PEX14: variants seen among roughly 807,000 people sequenced by gnomAD.
PEX14 encodes peroxisomal membrane protein PEX14.
PEX14 carries 15 observed loss-of-function variants against 49.5 expected under a neutral mutation model. The observed-to-expected ratio is 0.30, with a 90% CI of 0.20 to 0.47. The LOEUF is 0.47. PEX14 is among the 20% of genes least tolerant of loss of function. The pLI is 1.00. For synonymous variants in PEX14, 210 were observed against 212.7 expected (o/e 0.99, Z 0.11); for missense variants, 398 against 494.8 (o/e 0.80, Z 1.86).
intron 3 of PEX14, among the ~76,000 whole-genome samples, chr1:10,548,486 A>C (rs540844267): frequency 6.6e-6 from 1 of 152,360 alleles, no homozygotes; most frequent in East Asian, 1.9e-4. Context: ...ATTTAAAAAT[A>C]ACTTTGGATA....
chr1:10,509,715 T>A (rs11806726), intron 2 of PEX14, among the ~76,000 whole-genome samples: 1,707 of 152,358 alleles, frequency 0.011, 32 homozygotes, highest in African/African-American at 0.039. Context: ...ATTGATTTTT[T>A]AAATGTATTT....
chr1:10,481,654 C>G (rs1370245107), intron 1 of PEX14, among the ~76,000 whole-genome samples: 1 of 151,944 alleles, frequency 6.6e-6, no homozygotes, highest in Non-Finnish European at 1.5e-5. Context: ...CCAGGCTGGT[C>G]TTGAACTCCT....
chr1:10,552,817 A>T (rs986099025), intron 3 of PEX14, among the ~76,000 whole-genome samples: 1 of 152,162 alleles, frequency 6.6e-6, no homozygotes, highest in African/African-American at 2.4e-5. Flanking sequence ...CGAAGAGGTT[A>T]AAAAGGTGCC....
chr1:10,605,920 A>G (rs911781480), intron 4 of PEX14, among the ~76,000 whole-genome samples: 14 of 152,230 alleles, frequency 9.2e-5, no homozygotes, highest in Non-Finnish European at 1.5e-4. Flanking sequence ...GTGTGGTGCC[A>G]CATGGGGGCT....
intron 3 of PEX14, among the ~76,000 whole-genome samples, chr1:10,566,968 T>C: frequency 6.6e-6 from 1 of 152,196 alleles, no homozygotes; most frequent in South Asian, 2.1e-4. Flanking sequence ...ACTTTTTCTG[T>C]AAAGAGCCAG....
intron 3 of PEX14, among the ~76,000 whole-genome samples, chr1:10,594,266 C>G (rs1181872891): frequency 1.3e-5 from 2 of 152,056 alleles, no homozygotes; most frequent in Non-Finnish European, 2.9e-5. Context: ...TATTTTTAGC[C>G]AGCTGTCTTC....
chr1:10,617,843 C>T (rs1392217937), intron 4 of PEX14, among the ~76,000 whole-genome samples: 4 of 152,094 alleles, frequency 2.6e-5, no homozygotes, highest in African/African-American at 9.7e-5. Flanking sequence ...CACCCCCGTG[C>T]CCCCACCCAG....
In PEX14 at chr1:10,514,154, C is replaced by CTG. The variant is rs1557820855; in HGVS notation, c.84+18834_84+18835insGT. Among the ~76,000 whole-genome samples, 78 of 89,618 alleles carry CTG rather than the reference C, an allele frequency of 8.7e-4. No homozygotes were observed. The highest frequency in any genetic ancestry group is 1.5e-3 in the South Asian group (4 of 2,658). The allele number at this position is 89,618 out of a possible 152,430, so 58.8% of individuals were successfully genotyped here. ...AAAAAATGTATAAAATAATCTATGCCTCTGTGTGTGTGTGTGTGTGTGTGT... is the reference window on the plus strand; with the variant it reads ...AAAAAATGTATAAAATAATCTATGCCTGTCTGTGTGTGTGTGTGTGTGTGTGT... On this transcript the variant is annotated intron_variant, in intron 2 of 8. Coordinates refer to ENST00000356607, the MANE Select transcript of PEX14 (RefSeq NM_004565.3). This position sits in a 1 kb window ranked among gnomAD's most constrained non-coding sequence, Gnocchi z 4.4.
At chr1:10,614,056 A>G (rs1641344480) in intron 4 of PEX14, among the ~76,000 whole-genome samples, 1 of 152,164 alleles carries the variant, frequency 6.6e-6, no homozygotes, top group Non-Finnish European at 1.5e-5. Context: ...CCAGACTTGG[A>G]AAAAATAGGC....
In PEX14 at chr1:10,618,516, C is replaced by G. The variant is rs1168802714; in HGVS notation, c.384+99C>G. The G allele has an allele frequency of 7.5e-6, 7 of 937,924 alleles. No homozygotes were observed. The Admixed American group carries it at 1.1e-4, about 15-fold the overall frequency. The allele number at this position is 937,924 out of a possible 1,614,324, so 58.1% of individuals were successfully genotyped here. A position where few individuals can be genotyped will look rare whatever the true frequency, so the allele number is the denominator to read the frequency against. ...CCCTGCATGGAGGCACTGCCGTGCT[C>G]TGCCCTGGAGTGTGTTGGCAGTGAG... On this transcript the variant is annotated intron_variant, in intron 5 of 8. Transcript: ENST00000356607.
intron 1 of PEX14, among the ~76,000 whole-genome samples, chr1:10,487,427 G>A (rs56678008): frequency 3.8e-4 from 57 of 148,210 alleles, no homozygotes; most frequent in African/African-American, 1.4e-3. Context: ...CCATCTGGAC[G>A]TAGAGTTTTC....
chr1:10,602,793 G>A (rs1486911098), intron 4 of PEX14, among the ~76,000 whole-genome samples: 1 of 152,160 alleles, frequency 6.6e-6, no homozygotes, highest in Non-Finnish European at 1.5e-5. Context: ...TGCACAATCT[G>A]CATGCTTATC....
At position 10,617,294 on chromosome 1, in the gene PEX14, C is replaced by T. The variant is rs556413425; in HGVS notation, c.299-1038C>T. Among the ~76,000 whole-genome samples, 336 of 152,218 alleles carry T rather than the reference C, an allele frequency of 2.2e-3. 1 individual carries two copies. The highest frequency in any genetic ancestry group is 7.8e-3 in the African/African-American group (322 of 41,534). ...CTCGTGAACCCTTGCAGCAGGCTCGCCCCAGCTCTTCTGCCTCTGCGGCCC... is the reference window on the plus strand; with the variant it reads ...CTCGTGAACCCTTGCAGCAGGCTCGTCCCAGCTCTTCTGCCTCTGCGGCCC... On this transcript the variant is annotated intron_variant, in intron 4 of 8. Coordinates refer to ENST00000356607, the MANE Select transcript of PEX14 (RefSeq NM_004565.3).
chr1:10,513,233 A>C (rs1296059139), intron 2 of PEX14, among the ~76,000 whole-genome samples: 1 of 123,278 alleles, frequency 8.1e-6, no homozygotes, highest in Non-Finnish European at 2.0e-5. Flanking sequence ...TTCCACATAG[A>C]ATGCTGTTTT....
intron 4 of PEX14, among the ~76,000 whole-genome samples, chr1:10,607,847 A>G (rs1306156878): frequency 2.0e-5 from 3 of 152,092 alleles, no homozygotes; most frequent in African/African-American, 7.2e-5. Flanking sequence ...TCCTAACATT[A>G]CCTTTTGAAG....
At chr1:10,543,169 C>G (rs1014096450) in intron 3 of PEX14, among the ~76,000 whole-genome samples, 1 of 152,348 alleles carries the variant, frequency 6.6e-6, no homozygotes, top group African/African-American at 2.4e-5. Context: ...GAGTCTCGCT[C>G]TGTCGCCCAG....
At chr1:10,525,167 GT>G (rs1638434612) in intron 2 of PEX14, among the ~76,000 whole-genome samples, 1 of 152,100 alleles carries the variant, frequency 6.6e-6, no homozygotes, top group Non-Finnish European at 1.5e-5. Flanking sequence ...CTTAATTGGG[GT>G]TTATCAGAGA....
intron 1 of PEX14, among the ~76,000 whole-genome samples, chr1:10,477,333 G>A (rs192112678): frequency 1.1e-3 from 174 of 152,290 alleles, no homozygotes; most frequent in Middle Eastern, 6.8e-3. Flanking sequence ...GCCTCCCAAA[G>A]TGCTGGGATT....
At chr1:10,483,187 ACT>A (rs1641311763) in intron 1 of PEX14, among the ~76,000 whole-genome samples, 1 of 152,016 alleles carries the variant, frequency 6.6e-6, no homozygotes, top group Non-Finnish European at 1.5e-5. Context: ...ACAGGGTCTC[ACT>A]CTGTCACCCT....
Sources: gnomAD v4.1 joint callset for allele counts (sites outside exome capture counted in the v4.1 genomes callset) on GRCh38, gnomAD v4.1.1 for gene constraint, Gnocchi (gnomAD v3.1) non-coding constraint, MANE v1.5 for transcripts, NCBI Gene and HGNC (gene_info 2026-07-23, HGNC 2026-07-21) for gene names.